The following GKAP1 variants were observed in gnomAD, a reference collection of about 807,000 sequenced individuals.
GKAP1 encodes the protein G kinase-anchoring protein 1.
A neutral mutation model predicts 56.7 loss-of-function variants in GKAP1; 31 were observed. The ratio of observed to expected loss-of-function variants is 0.55; its 90% confidence interval spans 0.41 to 0.74. The LOEUF (loss-of-function observed/expected upper bound fraction) is 0.74. Ranked by LOEUF, GKAP1 falls within the 30% of genes least tolerant of loss-of-function variation. GKAP1 has a pLI of 0.00. For missense variants in GKAP1, 364 were observed against 402.3 expected (o/e 0.90, Z 0.82); for synonymous variants, 151 against 138.6 (o/e 1.09, Z -0.63).
At chr9:83,743,031 C>A (rs1447829467) in intron 10 of GKAP1, among the ~76,000 whole-genome samples, 1 of 152,120 alleles carries the variant, frequency 6.6e-6, no homozygotes, top group South Asian at 2.1e-4. Flanking sequence ...GGTGTGGTGG[C>A]GCATGCCTGT....
intron 2 of GKAP1, among the ~76,000 whole-genome samples, chr9:83,812,053 A>G (rs1265453671): frequency 6.6e-6 from 1 of 151,996 alleles, no homozygotes; most frequent in African/African-American, 2.4e-5. Context: ...ATAATCCCCA[A>G]TTTGTAAATA....
rs1440663238 is a variant in GKAP1 at position 83,769,046 on chromosome 9, G to C, written c.586-76C>G. 4.5e-6 allele frequency: 5 copies of C among 1,116,592 alleles called. No individual in the cohort carries two copies. The African/African-American group carries it at 4.7e-5, about 10-fold the overall frequency. 69.2% of individuals were successfully genotyped at this position (1,116,592 alleles called of 1,614,324 possible). ...ATTTAATACACCTAGTCAACCACAA[G>C]AAGGGATATGCATTTAGTACACCTA... On this transcript the variant is annotated intron_variant, in intron 7 of 12. Coordinates refer to ENST00000376371, the MANE Select transcript of GKAP1 (RefSeq NM_025211.4).
chr9:83,746,042 C>T (rs1436069361), intron 10 of GKAP1, among the ~76,000 whole-genome samples: 3 of 152,102 alleles, frequency 2.0e-5, no homozygotes, highest in African/African-American at 4.8e-5. Context: ...CCACCTGCCT[C>T]GGCCTCCCAA....
intron 4 of GKAP1, among the ~76,000 whole-genome samples, chr9:83,796,835 AT>A (rs1429434903): frequency 6.6e-6 from 1 of 152,214 alleles, no homozygotes; most frequent in Non-Finnish European, 1.5e-5. Flanking sequence ...TTAGTGCATT[AT>A]TTTATCTTAC....
At chr9:83,764,250 A>T (rs1436319736) in intron 8 of GKAP1, among the ~76,000 whole-genome samples, 7 of 152,124 alleles carry the variant, frequency 4.6e-5, no homozygotes, top group Non-Finnish European at 1.0e-4. Flanking sequence ...AACTAGGTGG[A>T]GAGGGCAGTT....
chr9:83,810,909 T>C (rs539307337), intron 2 of GKAP1, among the ~76,000 whole-genome samples: 1 of 152,340 alleles, frequency 6.6e-6, no homozygotes, highest in Non-Finnish European at 1.5e-5. Context: ...ACTATCCACC[T>C]AGGCTACATG....
chr9:83,792,833 A>C lies in GKAP1; in HGVS notation c.361-4155T>G, dbSNP rs896533217. ...TACTTTTAAAAAAGTACCTTGTTTA[A>C]GTTTGCGAATGGGAAGTTCCTTATT... On this transcript the variant is annotated intron_variant, in intron 4 of 12. Coordinates refer to ENST00000376371, the MANE Select transcript of GKAP1 (RefSeq NM_025211.4). 7.0e-5 allele frequency: 14 copies of C among 198,634 alleles called. No individual in the cohort carries two copies. The Middle Eastern group carries it at 2.7e-3, about 39-fold the overall frequency. 12.3% of individuals were successfully genotyped at this position (198,634 alleles called of 1,614,324 possible). A position where few individuals can be genotyped will look rare whatever the true frequency, so the allele number is the denominator to read the frequency against.
intron 3 of GKAP1, among the ~76,000 whole-genome samples, chr9:83,801,447 C>A (rs545338027): frequency 6.6e-6 from 1 of 150,964 alleles, no homozygotes; most frequent in South Asian, 2.1e-4. Flanking sequence ...AGGATTTCAA[C>A]TGAGGATCAA....
At chr9:83,802,305 C>T (rs547623022) in intron 3 of GKAP1, among the ~76,000 whole-genome samples, 2 of 151,818 alleles carry the variant, frequency 1.3e-5, no homozygotes, top group Non-Finnish European at 2.9e-5. Context: ...ATTGTGAAAC[C>T]CCATCTCTAC....
rs867704331 is a variant in GKAP1, at chr9:83,779,482, T to G, written c.585+900A>C. ...ACACACACGCACATATACATATACA[T>G]ACATATATACACATATACACATATA... On this transcript the variant is annotated intron_variant, in intron 7 of 12. Coordinates refer to ENST00000376371, the MANE Select transcript of GKAP1 (RefSeq NM_025211.4). 1.7e-3 allele frequency among the ~76,000 whole-genome samples: 167 copies of G among 100,254 alleles called. 12 individuals carry two copies. The highest frequency in any genetic ancestry group is 4.8e-3 in the African/African-American group (158 of 33,140). The allele number at this position is 100,254 out of a possible 152,430, so 65.8% of individuals were successfully genotyped here.
At chr9:83,812,344 C>CGTAT (rs1944522440) in intron 2 of GKAP1, among the ~76,000 whole-genome samples, 1 of 146,704 alleles carries the variant, frequency 6.8e-6, no homozygotes, top group Non-Finnish European at 1.5e-5. Flanking sequence ...TATATATACA[C>CGTAT]GTATATATAT....
chr9:83,740,347 G>A (rs888048582), intron 12 of GKAP1, among the ~76,000 whole-genome samples: 1 of 151,948 alleles, frequency 6.6e-6, no homozygotes, highest in Non-Finnish European at 1.5e-5. Context: ...GACAAGAAGG[G>A]TTTTACATAA....
At chr9:83,765,458 C>G (rs1262789228) in intron 8 of GKAP1, among the ~76,000 whole-genome samples, 3 of 152,192 alleles carry the variant, frequency 2.0e-5, no homozygotes, top group Non-Finnish European at 4.4e-5. Flanking sequence ...CCTAGCAGAG[C>G]TATGAGAAGG....
intron 3 of GKAP1, among the ~76,000 whole-genome samples, chr9:83,804,715 G>A (rs1294244834): frequency 6.7e-6 from 1 of 149,594 alleles, no homozygotes; most frequent in East Asian, 2.0e-4. Flanking sequence ...CCGTACGGGA[G>A]GGAGGTGGGG....
chr9:83,751,709 T>G (rs1298828557), intron 9 of GKAP1, among the ~76,000 whole-genome samples: 1 of 151,182 alleles, frequency 6.6e-6, no homozygotes, highest in Non-Finnish European at 1.5e-5. Context: ...TGAATTCATA[T>G]TAGTCAAAAA....
chr9:83,754,659 G>A (rs566045824), intron 8 of GKAP1, among the ~76,000 whole-genome samples: 3 of 152,290 alleles, frequency 2.0e-5, no homozygotes, highest in South Asian at 4.1e-4. Flanking sequence ...AACCAGTATG[G>A]TAAGATAGTG....
chr9:83,806,880 T>C (rs1944447393), intron 2 of GKAP1, among the ~76,000 whole-genome samples: 2 of 152,112 alleles, frequency 1.3e-5, no homozygotes, highest in East Asian at 3.9e-4. Context: ...TAAATCAATA[T>C]GGTTTACAGT....
At chr9:83,798,376 T>C (rs1197753309) in intron 4 of GKAP1, among the ~76,000 whole-genome samples, 1 of 152,232 alleles carries the variant, frequency 6.6e-6, no homozygotes, top group Non-Finnish European at 1.5e-5. Flanking sequence ...TTCGTCTTAA[T>C]GAGTTATCTA....
intron 12 of GKAP1, 88 bp from the exon 13 acceptor site, chr9:83,739,832 T>C: frequency 9.7e-7 from 1 of 1,026,580 alleles, no homozygotes; most frequent in Non-Finnish European, 1.4e-6. Flanking sequence ...CAAAGGCATC[T>C]TGGGGTATGA....
Sources: gnomAD v4.1 joint callset for allele counts (sites outside exome capture counted in the v4.1 genomes callset) on GRCh38, gnomAD v4.1.1 for gene constraint, MANE v1.5 for transcripts, NCBI Gene and HGNC (gene_info 2026-07-23, HGNC 2026-07-21) for gene names.